The following TIAM1 variants were observed in gnomAD, a reference collection of about 807,000 sequenced individuals.
TIAM1 encodes the protein rho guanine nucleotide exchange factor TIAM1.
A neutral mutation model predicts 163.5 loss-of-function variants in TIAM1; 65 were observed. That is an observed-to-expected ratio of 0.40 (90% CI 0.33 to 0.49). The LOEUF is 0.49. Ranked by LOEUF, TIAM1 falls within the 20% of genes least tolerant of loss-of-function variation. TIAM1 has a pLI of 0.77. For missense variants in TIAM1, 1,789 were observed against 2,044.7 expected, an observed-to-expected ratio of 0.87 and a Z score of 2.41; for synonymous variants, 833 against 810.1, an observed-to-expected ratio of 1.03 and a Z score of -0.48.
At chr21:31,472,420 G>A (rs1345701792) in intron 1 of TIAM1, among the ~76,000 whole-genome samples, 2 of 152,098 alleles carry the variant, frequency 1.3e-5, no homozygotes, top group African/African-American at 2.4e-5. Context: ...CCAGCTACTC[G>A]GGAGGCTGAG....
chr21:31,492,702 C>T (rs2046508418), intron 1 of TIAM1, among the ~76,000 whole-genome samples: 1 of 151,390 alleles, frequency 6.6e-6, no homozygotes, highest in South Asian at 2.1e-4. Context: ...CCTCCTGAGG[C>T]TGTGTCATGG....
chr21:31,278,668 T>G (rs577602147), intron 2 of TIAM1, among the ~76,000 whole-genome samples: 1 of 152,238 alleles, frequency 6.6e-6, no homozygotes, highest in African/African-American at 2.4e-5. Context: ...AGTTCTTCCT[T>G]ATCTTGGAAA....
At chr21:31,543,416 G>A (rs2048382501) in intron 1 of TIAM1, among the ~76,000 whole-genome samples, 1 of 152,232 alleles carries the variant, frequency 6.6e-6, no homozygotes, top group African/African-American at 2.4e-5. Flanking sequence ...GCAGCGCCGT[G>A]GGAGATGAAT....
chr21:31,144,258 C>T (rs911689154), intron 20 of TIAM1, among the ~76,000 whole-genome samples: 1 of 152,206 alleles, frequency 6.6e-6, no homozygotes, highest in Admixed American at 6.5e-5. Context: ...ATATGTGGAA[C>T]TGATGGATTT....
chr21:31,509,443 C>T (rs957108980), intron 1 of TIAM1, among the ~76,000 whole-genome samples: 21 of 152,338 alleles, frequency 1.4e-4, no homozygotes, highest in Admixed American at 1.1e-3. Flanking sequence ...CTGGCACAGG[C>T]GCCACTTCCC....
chr21:31,176,210 G>A (rs1054175151), intron 15 of TIAM1, among the ~76,000 whole-genome samples: 2 of 152,108 alleles, frequency 1.3e-5, no homozygotes, highest in Admixed American at 1.3e-4. Context: ...TGTTAATATT[G>A]CTAGATAAGA....
At chr21:31,228,252 A>ATTTTTCCTTT (rs1601627070) in intron 6 of TIAM1, among the ~76,000 whole-genome samples, 1 of 78,086 alleles carries the variant, frequency 1.3e-5, no homozygotes, top group African/African-American at 3.9e-5. Flanking sequence ...AAAAAAAAAA[A>ATTTTTCCTTT]AAAAAAAGGA....
At chr21:31,265,889 A>T (rs756894112) in intron 4 of TIAM1, 121 bp downstream of exon 4, 41 of 1,359,678 alleles carry the variant, frequency 3.0e-5, no homozygotes, top group Middle Eastern at 2.2e-4. Flanking sequence ...CAGCTGCAGC[A>T]ACTACCAGGC....
chr21:31,415,641 G>A (rs149561975), intron 2 of TIAM1, among the ~76,000 whole-genome samples: 54 of 152,278 alleles, frequency 3.5e-4, no homozygotes, highest in African/African-American at 1.3e-3. Context: ...ATGAAGAAAT[G>A]GTAGGATTGT....
Position 31,292,815 on chromosome 21 carries a change from C to T in TIAM1, c.-188-15907G>A, listed in dbSNP as rs375566593. The stretch of plus-strand genomic sequence containing the variant: ...CTCCAGGTAGCTGGGATGACAGGTG[C>T]GCACCACCACGCCTGGCTAATTTTT... On this transcript the variant is annotated intron_variant, in intron 2 of 27. Coordinates refer to ENST00000541036, the MANE Select transcript of TIAM1 (RefSeq NM_001353694.2). 1.3e-4 allele frequency among the ~76,000 whole-genome samples: 19 copies of T among 151,922 alleles called. No individual in the cohort carries two copies. In the South Asian group the frequency reaches 1.3e-3, roughly 10 times the overall value.
intron 15 of TIAM1, among the ~76,000 whole-genome samples, chr21:31,168,034 T>C (rs1477136715): frequency 6.6e-6 from 1 of 151,192 alleles, no homozygotes; most frequent in Non-Finnish European, 1.5e-5. Context: ...ATTCTGCCTA[T>C]ACTTTGGGGT....
At chr21:31,282,120 T>C (rs927339668) in intron 2 of TIAM1, among the ~76,000 whole-genome samples, 1 of 152,122 alleles carries the variant, frequency 6.6e-6, no homozygotes, top group East Asian at 1.9e-4. Flanking sequence ...CCAAGTCAAA[T>C]AGGAAAAACA....
chr21:31,420,446 A>C (rs923227300), intron 2 of TIAM1, among the ~76,000 whole-genome samples: 3 of 152,236 alleles, frequency 2.0e-5, no homozygotes. Flanking sequence ...AGGCTTACTT[A>C]AGGGAAATTT....
At chr21:31,425,675 TTC>T (rs72091693) in intron 2 of TIAM1, among the ~76,000 whole-genome samples, 1 of 140,822 alleles carries the variant, frequency 7.1e-6, no homozygotes, top group Non-Finnish European at 1.5e-5. Context: ...CTCTCTTTCT[TTC>T]TCTCTCTCTC....
intron 1 of TIAM1, among the ~76,000 whole-genome samples, chr21:31,465,146 G>A (rs889269455): frequency 3.3e-5 from 5 of 151,266 alleles, no homozygotes; most frequent in African/African-American, 7.3e-5. Flanking sequence ...TGCAGTGAAC[G>A]GTGATTGCGT....
intron 2 of TIAM1, among the ~76,000 whole-genome samples, chr21:31,451,747 G>A (rs1171779700): frequency 2.0e-5 from 3 of 148,078 alleles, no homozygotes; most frequent in Non-Finnish European, 4.6e-5. Context: ...GTGTGTGTGT[G>A]TGTGTGTGTG....
At chr21:31,470,566 C>T (rs8127322) in intron 1 of TIAM1, among the ~76,000 whole-genome samples, 103,605 of 151,470 alleles carry the variant, frequency 0.68, 36,005 homozygotes, top group African/African-American at 0.73. Context: ...CTCTTGACCT[C>T]AGGTGATCCA....
chr21:31,427,376 A>C (rs998122270), intron 2 of TIAM1, among the ~76,000 whole-genome samples: 2 of 151,790 alleles, frequency 1.3e-5, no homozygotes, highest in African/African-American at 4.8e-5. Context: ...AGTCCCAGCT[A>C]CTCGGGAGGC....
At chr21:31,269,383 A>G (rs2072945502) in intron 3 of TIAM1, among the ~76,000 whole-genome samples, 1 of 152,220 alleles carries the variant, frequency 6.6e-6, no homozygotes, top group Non-Finnish European at 1.5e-5. Flanking sequence ...CTACTAAGAG[A>G]AACTCTCAGG....
Sources: allele counts gnomAD v4.1 joint callset (sites outside exome capture counted in the v4.1 genomes callset), GRCh38; gene constraint gnomAD v4.1.1; transcripts MANE v1.5; gene names NCBI Gene and HGNC (gene_info 2026-07-23, HGNC 2026-07-21).